Variants in GPC6 observed in about 807,000 individuals in gnomAD.
The protein encoded by GPC6 is glypican-6.
A neutral mutation model predicts 55.2 loss-of-function variants in GPC6; 14 were observed. That is an observed-to-expected ratio of 0.25 (90% CI 0.17 to 0.40). The LOEUF (loss-of-function observed/expected upper bound fraction) is 0.40. Ranked by LOEUF, GPC6 falls within the 10% of genes least tolerant of loss-of-function variation. The probability of loss-of-function intolerance (pLI) is 1.00; values close to 1 mark genes in which losing one functional copy is unlikely to be tolerated. For synonymous variants in GPC6, 278 were observed against 259.6 expected (o/e 1.07, Z -0.68); for missense variants, 641 against 708.5 (o/e 0.90, Z 1.08).
At chr13:93,950,683 A>G (rs1406277108) in intron 3 of GPC6, among the ~76,000 whole-genome samples, 1 of 152,154 alleles carries the variant, frequency 6.6e-6, no homozygotes, top group East Asian at 1.9e-4. Context: ...TCATCTGCAG[A>G]CATCTATATT....
At chr13:93,924,385 C>T (rs549782962) in intron 3 of GPC6, among the ~76,000 whole-genome samples, 3 of 152,288 alleles carry the variant, frequency 2.0e-5, no homozygotes, top group Admixed American at 1.3e-4. Context: ...GTTTTCTCCT[C>T]CATCAAAGCC....
At chr13:93,393,250 T>TCCTCCTCAA (rs1875714661) in intron 1 of GPC6, among the ~76,000 whole-genome samples, 1 of 151,470 alleles carries the variant, frequency 6.6e-6, no homozygotes, top group Non-Finnish European at 1.5e-5. Flanking sequence ...GCGATTCTCC[T>TCCTCCTCAA]GCTCCAGCCT....
intron 4 of GPC6, among the ~76,000 whole-genome samples, chr13:94,108,965 C>G (rs1886150419): frequency 1.3e-5 from 2 of 152,068 alleles, no homozygotes; most frequent in Non-Finnish European, 1.5e-5. Flanking sequence ...ACCTGTTATT[C>G]TTCAACCAGC....
chr13:93,267,913 T>C (rs1877379860), intron 1 of GPC6, among the ~76,000 whole-genome samples: 1 of 152,204 alleles, frequency 6.6e-6, no homozygotes, highest in Non-Finnish European at 1.5e-5. Flanking sequence ...TGTGTCATTA[T>C]AGCTCTCTCT....
rs1168857337 is a variant in GPC6 at position 93,941,875 on chromosome 13, T to C, written c.712-85854T>C. Among the ~76,000 whole-genome samples the C allele has an allele frequency of 2.0e-5, 3 of 152,316 alleles. No homozygotes were observed. In the East Asian group the frequency reaches 5.8e-4, roughly 29 times the overall value. Reference sequence around the variant, plus strand: ...AGGACCTGAAAAAGTATATTTAAATTGGTCTTTTAAAATATACGTAACTTT... The same window carrying C: ...AGGACCTGAAAAAGTATATTTAAATCGGTCTTTTAAAATATACGTAACTTT... On this transcript the variant is annotated intron_variant, in intron 3 of 8. Coordinates refer to ENST00000377047, the MANE Select transcript of GPC6 (RefSeq NM_005708.5).
At chr13:94,069,019 G>A (rs1199722077) in intron 4 of GPC6, among the ~76,000 whole-genome samples, 2 of 152,168 alleles carry the variant, frequency 1.3e-5, no homozygotes, top group Admixed American at 1.3e-4. Flanking sequence ...CTCTGTGTGG[G>A]GGCTCCAAAC....
intron 4 of GPC6, among the ~76,000 whole-genome samples, chr13:94,112,342 C>A (rs1391505305): frequency 4.6e-5 from 7 of 152,180 alleles, no homozygotes; most frequent in African/African-American, 1.7e-4. Context: ...TCTTAACAAT[C>A]TACCGCCTTC....
chr13:93,587,099 T>G (rs1276970557), intron 2 of GPC6, among the ~76,000 whole-genome samples: 1 of 152,216 alleles, frequency 6.6e-6, no homozygotes, highest in East Asian at 1.9e-4. Flanking sequence ...GCAACTTTCT[T>G]ATCTTTGACA....
At chr13:94,039,681 C>T (rs1015307481) in intron 4 of GPC6, among the ~76,000 whole-genome samples, 1 of 151,868 alleles carries the variant, frequency 6.6e-6, no homozygotes, top group Non-Finnish European at 1.5e-5. Flanking sequence ...GGGACAAAAG[C>T]TGGGATGTCA....
At chr13:94,235,940 A>G (rs563982703) in intron 4 of GPC6, among the ~76,000 whole-genome samples, 1 of 152,278 alleles carries the variant, frequency 6.6e-6, no homozygotes, top group South Asian at 2.1e-4. Flanking sequence ...CGAAACTGAG[A>G]CCCTGAGAAC....
chr13:93,734,903 T>C (rs925440016), intron 2 of GPC6, among the ~76,000 whole-genome samples: 2 of 152,138 alleles, frequency 1.3e-5, no homozygotes, highest in African/African-American at 4.8e-5. Flanking sequence ...ATACAGTAGA[T>C]AATAAATAAA....
intron 3 of GPC6, among the ~76,000 whole-genome samples, chr13:93,902,584 C>A (rs1876420457): frequency 6.6e-6 from 1 of 152,132 alleles, no homozygotes; most frequent in South Asian, 2.1e-4. Context: ...AGTGAGATTG[C>A]TGGATCATAC....
chr13:93,873,136 G>A (rs1259364898), intron 3 of GPC6, among the ~76,000 whole-genome samples: 4 of 151,224 alleles, frequency 2.6e-5, no homozygotes, highest in Non-Finnish European at 5.9e-5. Flanking sequence ...AATTAATGAG[G>A]GAGGTCATAT....
At chr13:93,781,948 G>A (rs1283623660) in intron 2 of GPC6, among the ~76,000 whole-genome samples, 1 of 152,054 alleles carries the variant, frequency 6.6e-6, no homozygotes, top group African/African-American at 2.4e-5. Context: ...TTGTTGGTAA[G>A]AACATTTAAA....
intron 2 of GPC6, among the ~76,000 whole-genome samples, chr13:93,615,068 T>A (rs1878656747): frequency 6.6e-6 from 1 of 152,186 alleles, no homozygotes. Context: ...AAGATTCAGA[T>A]GTTTAATAAT....
At position 94,128,159 on chromosome 13, in the gene GPC6, T is replaced by C. The variant is rs566889193; in HGVS notation, c.877+100265T>C. Among the ~76,000 whole-genome samples, 166 of 152,280 alleles carry C rather than the reference T, an allele frequency of 1.1e-3. 2 individuals carry two copies. The highest frequency in any genetic ancestry group is 3.3e-3 in the African/African-American group (136 of 41,568). On this transcript the variant is annotated intron_variant, in intron 4 of 8. Coordinates refer to ENST00000377047, the MANE Select transcript of GPC6 (RefSeq NM_005708.5). ...AGTGTGTTTATTTAGAAGGAAACACTTTAGACTTTTGATGAAAATTTAGGA... is the reference window on the plus strand; with the variant it reads ...AGTGTGTTTATTTAGAAGGAAACACCTTAGACTTTTGATGAAAATTTAGGA...
intron 1 of GPC6, among the ~76,000 whole-genome samples, chr13:93,284,931 G>A (rs1410926970): frequency 1.3e-5 from 2 of 152,208 alleles, no homozygotes; most frequent in Non-Finnish European, 2.9e-5. Context: ...TCTTGGCAAA[G>A]TAATATCTTT....
At chr13:94,142,833 T>C (rs538119211) in intron 4 of GPC6, among the ~76,000 whole-genome samples, 40 of 152,012 alleles carry the variant, frequency 2.6e-4, no homozygotes, top group African/African-American at 8.9e-4. Flanking sequence ...GGCTACTTTT[T>C]TTTTTTTTCT....
At chr13:94,145,754 G>C (rs1259356540) in intron 4 of GPC6, among the ~76,000 whole-genome samples, 1 of 152,158 alleles carries the variant, frequency 6.6e-6, no homozygotes, top group South Asian at 2.1e-4. Flanking sequence ...ACTGATTAAA[G>C]GAGTCATACT....
Sources: allele counts gnomAD v4.1 joint callset (sites outside exome capture counted in the v4.1 genomes callset), GRCh38; gene constraint gnomAD v4.1.1; transcripts MANE v1.5; gene names NCBI Gene and HGNC (gene_info 2026-07-23, HGNC 2026-07-21).